Variants in PPFIBP2 observed in about 807,000 individuals in gnomAD.
PPFIBP2 encodes the protein PPFIB scaffold protein 2, also known as liprin-beta-2.
A neutral mutation model predicts 118.3 loss-of-function variants in PPFIBP2; 118 were observed. That is an observed-to-expected ratio of 1.00 (90% CI 0.86 to 1.16). The LOEUF is 1.16. Among genes scored for constraint, PPFIBP2 ranks in the 50% most tolerant of loss-of-function variants. The probability of loss-of-function intolerance (pLI) is 0.00; values close to 1 mark genes in which losing one functional copy is unlikely to be tolerated. For missense variants in PPFIBP2, 1,195 were observed against 1,073.1 expected (o/e 1.11, Z -1.59); for synonymous variants, 414 against 397.4 (o/e 1.04, Z -0.50).
chr11:7,554,794 TAG>T (rs1853407157), intron 2 of PPFIBP2, among the ~76,000 whole-genome samples: 1 of 151,690 alleles, frequency 6.6e-6, no homozygotes, highest in East Asian at 1.9e-4. Context: ...GTGACTAGAC[TAG>T]ACTAGACTAG....
intron 1 of PPFIBP2, among the ~76,000 whole-genome samples, chr11:7,547,264 G>A (rs1852426090): frequency 6.6e-6 from 1 of 152,194 alleles, no homozygotes; most frequent in African/African-American, 2.4e-5. Flanking sequence ...AGTGAGCTCA[G>A]GGTAGGGGGA....
intron 1 of PPFIBP2, among the ~76,000 whole-genome samples, chr11:7,542,683 G>A (rs1851921194): frequency 6.6e-6 from 1 of 152,182 alleles, no homozygotes; most frequent in South Asian, 2.1e-4. Flanking sequence ...GATGCACCAG[G>A]TGTTCTGTCA....
downstream of PPFIBP2, chr11:7,655,496 A>C (rs1348097274): frequency 2.3e-6 from 3 of 1,289,634 alleles, no homozygotes; most frequent in Non-Finnish European, 3.0e-6. Flanking sequence ...TCACCGCCTT[A>C]CGGTAGGACT....
intron 8 of PPFIBP2, among the ~76,000 whole-genome samples, chr11:7,626,128 A>C (rs1849974075): frequency 6.6e-6 from 1 of 152,136 alleles, no homozygotes; most frequent in Non-Finnish European, 1.5e-5. Flanking sequence ...ACCCTCCCCT[A>C]ACTAGAAGGT....
At chr11:7,562,975 A>G (rs968605355) in intron 2 of PPFIBP2, among the ~76,000 whole-genome samples, 5 of 108,060 alleles carry the variant, frequency 4.6e-5, no homozygotes, top group African/African-American at 1.3e-4. Context: ...ATATATATAT[A>G]TACACGCACA....
chr11:7,638,108 C>G (rs934442221), intron 14 of PPFIBP2, among the ~76,000 whole-genome samples: 18 of 152,192 alleles, frequency 1.2e-4, no homozygotes, highest in African/African-American at 4.3e-4. Context: ...CTGGGTCTGA[C>G]TGCATTAGTA....
At chr11:7,666,229 C>CTGAT in the PPFIBP2 span, 74 of 593,074 alleles carry the variant, frequency 1.2e-4, no homozygotes, top group Middle Eastern at 8.9e-4. Flanking sequence ...TGAGGTGCTG[C>CTGAT]TGATGTATTA....
downstream of PPFIBP2, among the ~76,000 whole-genome samples, chr11:7,660,605 T>C (rs1050446331): frequency 3.5e-3 from 527 of 150,884 alleles, 3 homozygotes; most frequent in African/African-American, 0.012. Context: ...GGTCTAAAAT[T>C]CTCTTTTTTT....
downstream of PPFIBP2, among the ~76,000 whole-genome samples, chr11:7,656,120 G>A (rs370511225): frequency 1.5e-4 from 23 of 152,298 alleles, no homozygotes; most frequent in African/African-American, 5.5e-4. Flanking sequence ...CTGTAAAGCA[G>A]GGCTAATGAC....
chr11:7,544,732 C>T (rs541943137), intron 1 of PPFIBP2, among the ~76,000 whole-genome samples: 5 of 147,568 alleles, frequency 3.4e-5, no homozygotes, highest in East Asian at 4.0e-4. Context: ...TGAGATTGCA[C>T]CACTGCACTC....
At position 7,651,272 on chromosome 11, in the gene PPFIBP2, G is replaced by T. The variant is rs1006691075; in HGVS notation, c.2247+307G>T. Reference sequence around the variant, plus strand: ...GCAGGGCTGAGGAAGGGACGGGGAAGCCGTAAAAATGCAGCTTCCCACTTG... The same window carrying T: ...GCAGGGCTGAGGAAGGGACGGGGAATCCGTAAAAATGCAGCTTCCCACTTG... On this transcript the variant is annotated intron_variant, in intron 22 of 23. Coordinates refer to ENST00000299492, the MANE Select transcript of PPFIBP2 (RefSeq NM_003621.5). The T allele has an allele frequency of 1.2e-5, 4 of 331,428 alleles. No homozygotes were observed. In the East Asian group the frequency reaches 1.6e-4, roughly 13 times the overall value. The allele number at this position is 331,428 out of a possible 1,614,324, so 20.5% of individuals were successfully genotyped here. A position where few individuals can be genotyped will look rare whatever the true frequency, so the allele number is the denominator to read the frequency against.
chr11:7,619,220 G>A (rs1849052367), intron 6 of PPFIBP2, among the ~76,000 whole-genome samples: 1 of 152,174 alleles, frequency 6.6e-6, no homozygotes, highest in Non-Finnish European at 1.5e-5. Flanking sequence ...TTATGTAGGA[G>A]GTACACAGAG....
intron 3 of PPFIBP2, among the ~76,000 whole-genome samples, chr11:7,591,896 G>A (rs936370707): frequency 1.3e-5 from 2 of 152,374 alleles, no homozygotes; most frequent in East Asian, 3.9e-4. Context: ...GCATTGGGAA[G>A]GGGTGGGATG....
chr11:7,597,454 G>A, intron 4 of PPFIBP2, 106 bp from the exon 5 acceptor site: 1 of 1,534,738 alleles, frequency 6.5e-7, no homozygotes, highest in East Asian at 2.4e-5. Flanking sequence ...CGTTCACTGT[G>A]TGTAAGAGTC....
chr11:7,651,023 T>C, intron 22 of PPFIBP2, 58 bp downstream of exon 22: 1 of 1,565,964 alleles, frequency 6.4e-7, no homozygotes, highest in Non-Finnish European at 8.7e-7. Flanking sequence ...ATTCAGAAAC[T>C]TATTTATTAA....
chr11:7,626,980 C>CT (rs999015179), intron 8 of PPFIBP2, among the ~76,000 whole-genome samples: 39 of 152,244 alleles, frequency 2.6e-4, no homozygotes, highest in Admixed American at 1.3e-4. Flanking sequence ...GGTGTGTTGC[C>CT]TACCTGCCAA....
chr11:7,606,793 A>G (rs1847393745), intron 5 of PPFIBP2, among the ~76,000 whole-genome samples: 1 of 150,004 alleles, frequency 6.7e-6, no homozygotes, highest in African/African-American at 2.5e-5. Context: ...AGCAGAGTAG[A>G]CTCTTAGCTT....
At chr11:7,518,442 A>C (rs542401890) in intron 1 of PPFIBP2, among the ~76,000 whole-genome samples, 1 of 152,038 alleles carries the variant, frequency 6.6e-6, no homozygotes, top group Admixed American at 6.6e-5. Context: ...AAGGAAACAC[A>C]TAATCGTGTG....
intron 1 of PPFIBP2, among the ~76,000 whole-genome samples, chr11:7,529,494 C>A (rs559292317): frequency 6.6e-6 from 1 of 152,222 alleles, no homozygotes; most frequent in African/African-American, 2.4e-5. Context: ...TTCTCAGATA[C>A]CAGTACGGCT....
Sources: gnomAD v4.1 joint callset for allele counts (sites outside exome capture counted in the v4.1 genomes callset) on GRCh38, gnomAD v4.1.1 for gene constraint, MANE v1.5 for transcripts, NCBI Gene and HGNC (gene_info 2026-07-23, HGNC 2026-07-21) for gene names.